Variants in RFC1 observed in about 807,000 individuals in gnomAD.
The protein encoded by RFC1 is replication factor C subunit 1.
RFC1 carries 37 observed loss-of-function variants against 137.4 expected under a neutral mutation model. The ratio of observed to expected loss-of-function variants is 0.27; its 90% CI spans 0.21 to 0.35. The LOEUF (loss-of-function observed/expected upper bound fraction) is 0.35. Ranked by LOEUF, RFC1 falls within the 10% of genes least tolerant of loss-of-function variation. RFC1 has a pLI of 1.00. For synonymous variants in RFC1, 429 were observed against 455.7 expected (o/e 0.94, Z 0.75); for missense variants, 1,205 against 1,358.5 (o/e 0.89, Z 1.78).
At chr4:39,294,353 G>T (rs941430872) in intron 22 of RFC1, among the ~76,000 whole-genome samples, 1 of 152,218 alleles carries the variant, frequency 6.6e-6, no homozygotes. Flanking sequence ...GGCAAATTAA[G>T]ATCACTCAAG....
chr4:39,291,512 T>C (rs1020752267), intron 23 of RFC1, 127 bp downstream of exon 23: 2 of 683,920 alleles, frequency 2.9e-6, no homozygotes, highest in Non-Finnish European at 5.2e-6. Flanking sequence ...ATATAGGCCA[T>C]AAGAAGCAAC....
chr4:39,347,953 A>G (rs1227322837), intron 2 of RFC1, among the ~76,000 whole-genome samples: 3 of 152,342 alleles, frequency 2.0e-5, no homozygotes, highest in East Asian at 3.9e-4. Context: ...TGATGAAATC[A>G]GATATTTAGC....
At chr4:39,329,965 C>T (rs1740011550) in intron 4 of RFC1, among the ~76,000 whole-genome samples, 1 of 151,836 alleles carries the variant, frequency 6.6e-6, no homozygotes, top group South Asian at 2.1e-4. Flanking sequence ...AACTGGGAGG[C>T]GGAGGTCACA....
intron 4 of RFC1, among the ~76,000 whole-genome samples, chr4:39,334,138 C>T (rs1740242360): frequency 6.6e-6 from 1 of 152,022 alleles, no homozygotes; most frequent in African/African-American, 2.4e-5. Flanking sequence ...ATACTCCTTA[C>T]AGTTATGAGA....
At chr4:39,348,412 G>C (rs1421542046) in intron 2 of RFC1, among the ~76,000 whole-genome samples, 1 of 75,430 alleles carries the variant, frequency 1.3e-5, no homozygotes, top group South Asian at 4.1e-4. Flanking sequence ...AACAGAGCAA[G>C]ACTCTGTTTC....
chr4:39,342,497 T>C (rs554914494), intron 3 of RFC1, 30 bp from the exon 4 acceptor site: 1 of 1,602,984 alleles, frequency 6.2e-7, no homozygotes. Flanking sequence ...AAAACAAAAC[T>C]TTGAAAAGAA....
rs1560596103 is a variant in RFC1 at position 39,306,713 on chromosome 4, AAAG to A, written c.1886-15_1886-13del. ...TTTACCAAACTTTGCTGCTAGGAAA[AAAG>A]AAGTTCCAGAGTGTCAACCTATATC... On this transcript the variant is annotated splice_polypyrimidine_tract_variant and intron_variant, in intron 13 of 24. Transcript: ENST00000349703. The A allele has an allele frequency of 1.9e-6, 3 of 1,553,590 alleles. No homozygotes were observed. Among genetic ancestry groups the A allele is most frequent in the Non-Finnish European group, 2.7e-6 (3 of 1,125,038 alleles).
At position 39,295,591 on chromosome 4, in the gene RFC1, C is replaced by T. The variant is rs41547922; in HGVS notation, c.2954+23G>A. ...AAATACACCAAATCGATAAAATACCCGAAACAGAGTAATCCCACCTACCTG... is the reference window on the plus strand; with the variant it reads ...AAATACACCAAATCGATAAAATACCTGAAACAGAGTAATCCCACCTACCTG... On this transcript the variant is annotated intron_variant, in intron 22 of 24. Transcript: ENST00000349703. The T allele has an allele frequency of 6.9e-3, 10,728 of 1,564,632 alleles. 43 individuals carry two copies. Among genetic ancestry groups the T allele is most frequent in the Non-Finnish European group, 7.8e-3 (8,926 of 1,151,056 alleles).
At chr4:39,289,193 CTCT>C (rs1309719705) in intron 24 of RFC1, among the ~76,000 whole-genome samples, 1 of 151,920 alleles carries the variant, frequency 6.6e-6, no homozygotes, top group African/African-American at 2.4e-5. Context: ...GAAGAATTTC[CTCT>C]TCTTTCAGTT....
At chr4:39,313,945 T>C (rs1739105735) in intron 10 of RFC1, among the ~76,000 whole-genome samples, 1 of 152,188 alleles carries the variant, frequency 6.6e-6, no homozygotes, top group South Asian at 2.1e-4. Context: ...TGGAACTATG[T>C]TGAGTTATAT....
At chr4:39,292,001 A>G in intron 22 of RFC1, 149 bp from the exon 23 acceptor site, 1 of 639,910 alleles carries the variant, frequency 1.6e-6, no homozygotes, top group Non-Finnish European at 2.8e-6. Flanking sequence ...CAGCTGGTGT[A>G]GTTTAGAAAG....
chr4:39,299,605 T>C (rs1232882841), intron 21 of RFC1, among the ~76,000 whole-genome samples: 12 of 120,494 alleles, frequency 1.0e-4, no homozygotes, highest in African/African-American at 4.0e-4. Context: ...ACAGCAACAC[T>C]GTCTCAAAAA....
chr4:39,334,623 G>C (rs370270632), intron 4 of RFC1, among the ~76,000 whole-genome samples: 133 of 152,246 alleles, frequency 8.7e-4, no homozygotes, highest in African/African-American at 3.1e-3. Flanking sequence ...CTCATAGGAA[G>C]CCAAAGGCAA....
At chr4:39,332,386 G>A (rs1348217788) in intron 4 of RFC1, among the ~76,000 whole-genome samples, 3 of 152,002 alleles carry the variant, frequency 2.0e-5, no homozygotes, top group East Asian at 3.9e-4. Flanking sequence ...AGACTTCATG[G>A]TATCTTTTTA....
intron 2 of RFC1, among the ~76,000 whole-genome samples, chr4:39,350,988 C>T (rs965069077): frequency 2.6e-5 from 4 of 152,036 alleles, no homozygotes; most frequent in African/African-American, 4.8e-5. Flanking sequence ...CGGTGGCTCA[C>T]GCCTGTAATC....
At chr4:39,301,331 G>A (rs905462439) in intron 19 of RFC1, among the ~76,000 whole-genome samples, 2 of 152,188 alleles carry the variant, frequency 1.3e-5, no homozygotes, top group African/African-American at 4.8e-5. Context: ...GTTCAGGACA[G>A]TGAAACTATT....
chr4:39,296,258 T>C (rs973187512), intron 21 of RFC1, among the ~76,000 whole-genome samples: 1 of 151,056 alleles, frequency 6.6e-6, no homozygotes, highest in African/African-American at 2.4e-5. Flanking sequence ...TTCTTTTTTT[T>C]TTTTTTATTA....
intron 1 of RFC1, among the ~76,000 whole-genome samples, chr4:39,364,806 C>T (rs557550789): frequency 6.6e-6 from 1 of 152,282 alleles, no homozygotes; most frequent in South Asian, 2.1e-4. Flanking sequence ...GAAACAGAGG[C>T]TTAAAGAGAT....
intron 4 of RFC1, among the ~76,000 whole-genome samples, chr4:39,339,109 C>A (rs1443689760): frequency 6.6e-6 from 1 of 151,898 alleles, no homozygotes; most frequent in Non-Finnish European, 1.5e-5. Flanking sequence ...AAATAATATT[C>A]CATTATTACA....
Sources: gnomAD v4.1 joint callset for allele counts (sites outside exome capture counted in the v4.1 genomes callset) on GRCh38, gnomAD v4.1.1 for gene constraint, MANE v1.5 for transcripts, NCBI Gene and HGNC (gene_info 2026-07-23, HGNC 2026-07-21) for gene names.